The following NCAM2 variants were observed in gnomAD, a reference collection of about 807,000 sequenced individuals.
NCAM2 encodes neural cell adhesion molecule 2.
A neutral mutation model predicts 98.1 loss-of-function variants in NCAM2; 30 were observed. That is an observed-to-expected ratio of 0.31 (90% CI 0.23 to 0.41). The LOEUF (loss-of-function observed/expected upper bound fraction) is 0.41. Ranked by LOEUF, NCAM2 falls within the 10% of genes least tolerant of loss-of-function variation. NCAM2 has a pLI of 1.00. For synonymous variants in NCAM2, 368 were observed against 342.4 expected (o/e 1.07, Z -0.83); for missense variants, 867 against 1,005.8 (o/e 0.86, Z 1.87).
chr21:21,408,522 C>A (rs1315636929), intron 9 of NCAM2, among the ~76,000 whole-genome samples: 1 of 152,046 alleles, frequency 6.6e-6, no homozygotes. Context: ...AGAATTGTTT[C>A]AATTATATTC....
intron 12 of NCAM2, among the ~76,000 whole-genome samples, chr21:21,456,606 T>C (rs1185013172): frequency 6.6e-6 from 1 of 152,148 alleles, no homozygotes; most frequent in African/African-American, 2.4e-5. Flanking sequence ...CAACTCAAAA[T>C]AGATTAAAGA....
At chr21:21,494,569 A>G (rs545521870) in intron 15 of NCAM2, among the ~76,000 whole-genome samples, 77 of 152,094 alleles carry the variant, frequency 5.1e-4, no homozygotes, top group African/African-American at 1.7e-3. Flanking sequence ...CCAGAAATAT[A>G]ACCAAATTTA....
Position 21,483,532 on chromosome 21 carries a change from A to T in NCAM2, c.2077+6061A>T, listed in dbSNP as rs1403739728. 2.0e-5 allele frequency among the ~76,000 whole-genome samples: 3 copies of T among 152,110 alleles called. No individual in the cohort carries two copies. The East Asian group carries it at 5.8e-4, about 29-fold the overall frequency. On this transcript the variant is annotated intron_variant, in intron 15 of 17. Coordinates refer to ENST00000400546, the MANE Select transcript of NCAM2 (RefSeq NM_004540.5). Reference sequence around the variant, plus strand: ...ACTAATAAATCCTTCATCACTAGATAATTCAACATGAACAGAAAACAACTT... The same window carrying T: ...ACTAATAAATCCTTCATCACTAGATTATTCAACATGAACAGAAAACAACTT...
chr21:21,368,812 C>T (rs1220222857), intron 8 of NCAM2, among the ~76,000 whole-genome samples: 2 of 151,736 alleles, frequency 1.3e-5, no homozygotes. Context: ...GACCATAGCA[C>T]CCTCTCTAAT....
At chr21:21,351,117 C>CAAAAAAAA (rs61586915) in intron 8 of NCAM2, among the ~76,000 whole-genome samples, 3 of 83,752 alleles carry the variant, frequency 3.6e-5, no homozygotes, top group Admixed American at 1.5e-4. Context: ...GACTCTGTCT[C>CAAAAAAAA]AAAAAAAAAA....
chr21:21,042,534 T>A (rs1172781688), intron 1 of NCAM2, among the ~76,000 whole-genome samples: 12 of 152,122 alleles, frequency 7.9e-5, no homozygotes, highest in Admixed American at 3.3e-4. Flanking sequence ...TTTTTCTGAA[T>A]TTAGAGGTAA....
rs376947565 is a variant in NCAM2 at position 21,067,837 on chromosome 21, G to C, written c.55+69219G>C. Among the ~76,000 whole-genome samples, 189 of 152,192 alleles carry C rather than the reference G, an allele frequency of 1.2e-3. 5 individuals are homozygous for C. In the South Asian group the frequency reaches 0.026, roughly 21 times the overall value. On this transcript the variant is annotated intron_variant, in intron 1 of 17. Transcript: ENST00000400546. ...TCTTTGCATATAGTTATATAATCAA[G>C]GGAATTATGGAATATAGCCCATTGA...
At chr21:21,013,582 G>C (rs1383216731) in intron 1 of NCAM2, among the ~76,000 whole-genome samples, 1 of 152,096 alleles carries the variant, frequency 6.6e-6, no homozygotes. Flanking sequence ...AGGAGTTCGA[G>C]ACCAGCCTGA....
intron 8 of NCAM2, among the ~76,000 whole-genome samples, chr21:21,352,019 G>C (rs1457409793): frequency 6.6e-6 from 1 of 152,076 alleles, no homozygotes; most frequent in Non-Finnish European, 1.5e-5. Flanking sequence ...TCAAATGCTG[G>C]GATTGCAGGC....
intron 1 of NCAM2, among the ~76,000 whole-genome samples, chr21:21,023,027 A>G (rs1412843405): frequency 2.0e-5 from 3 of 152,210 alleles, no homozygotes; most frequent in Non-Finnish European, 4.4e-5. Flanking sequence ...ATATGGTCAT[A>G]GTCTGAAAGA....
intron 1 of NCAM2, among the ~76,000 whole-genome samples, chr21:21,131,107 A>C (rs942179796): frequency 3.3e-5 from 5 of 152,172 alleles, no homozygotes; most frequent in Admixed American, 3.3e-4. Flanking sequence ...ATCCTCATCT[A>C]AATATGTCAA....
intron 1 of NCAM2, among the ~76,000 whole-genome samples, chr21:21,159,170 A>G (rs984729029): frequency 2.0e-5 from 3 of 152,194 alleles, no homozygotes; most frequent in Non-Finnish European, 4.4e-5. Flanking sequence ...GAGGATATAA[A>G]TAAAAAATAT....
intron 16 of NCAM2, among the ~76,000 whole-genome samples, chr21:21,518,041 T>C (rs1988808500): frequency 6.6e-6 from 1 of 152,158 alleles, no homozygotes; most frequent in African/African-American, 2.4e-5. Flanking sequence ...AATTTACAGT[T>C]CTGCTCCACA....
intron 1 of NCAM2, among the ~76,000 whole-genome samples, chr21:21,235,106 A>G (rs2070767201): frequency 6.6e-6 from 1 of 151,986 alleles, no homozygotes; most frequent in Admixed American, 6.6e-5. Context: ...CTTTTTTCTT[A>G]GGTAATCTTA....
intron 11 of NCAM2, 149 bp downstream of exon 11, chr21:21,418,718 T>C: frequency 2.9e-6 from 2 of 680,414 alleles, no homozygotes; most frequent in South Asian, 3.3e-5. Context: ...TACCAGAGGC[T>C]TGGTAGTATA....
chr21:21,210,773 T>C (rs2069621884), intron 1 of NCAM2: 1 of 579,310 alleles, frequency 1.7e-6, no homozygotes, highest in African/African-American at 2.1e-5. Flanking sequence ...GAGAACATCT[T>C]ATTTACTAGA....
At chr21:21,299,980 T>C (rs1463946362) in intron 5 of NCAM2, among the ~76,000 whole-genome samples, 1 of 151,990 alleles carries the variant, frequency 6.6e-6, no homozygotes, top group Non-Finnish European at 1.5e-5. Flanking sequence ...ACTTAATACA[T>C]TGTAGATGCT....
intron 1 of NCAM2, among the ~76,000 whole-genome samples, chr21:21,076,193 G>A (rs1390336760): frequency 6.6e-6 from 1 of 151,838 alleles, no homozygotes; most frequent in Non-Finnish European, 1.5e-5. Flanking sequence ...ATATTATAAG[G>A]GAAATGAGCT....
intron 12 of NCAM2, among the ~76,000 whole-genome samples, chr21:21,455,034 T>G (rs995588856): frequency 1.3e-5 from 2 of 151,874 alleles, no homozygotes; most frequent in African/African-American, 4.8e-5. Flanking sequence ...TACTAATTTA[T>G]TCTTCTTTGC....
Sources: allele counts gnomAD v4.1 joint callset (sites outside exome capture counted in the v4.1 genomes callset), GRCh38; gene constraint gnomAD v4.1.1; transcripts MANE v1.5; gene names NCBI Gene and HGNC (gene_info 2026-07-23, HGNC 2026-07-21).